Variants in MIPOL1 observed in about 807,000 individuals in gnomAD.
MIPOL1 encodes the protein mirror-image polydactyly 1.
A neutral mutation model predicts 60.9 loss-of-function variants in MIPOL1; 57 were observed. The observed-to-expected ratio is 0.94, with a 90% confidence interval of 0.76 to 1.17. The LOEUF (loss-of-function observed/expected upper bound fraction) is 1.17, where lower values mean the gene tolerates loss of function less well. Among genes scored for constraint, MIPOL1 ranks in the 50% most tolerant of loss-of-function variants. The pLI, the probability that MIPOL1 is intolerant of heterozygous loss-of-function variation, is 0.00. For synonymous variants in MIPOL1, 179 were observed against 168.8 expected (o/e 1.06, Z -0.47); for missense variants, 551 against 511.6 (o/e 1.08, Z -0.74).
intron 11 of MIPOL1, among the ~76,000 whole-genome samples, chr14:37,491,788 T>C (rs2095051564): frequency 6.6e-6 from 1 of 152,224 alleles, no homozygotes; most frequent in Admixed American, 6.5e-5. Context: ...GAAAGTACTT[T>C]AGCAGGTTAT....
chr14:37,546,829 C>A, intron 12 of MIPOL1, 76 bp from the exon 13 acceptor site: 1 of 1,194,904 alleles, frequency 8.4e-7, no homozygotes, highest in Non-Finnish European at 1.2e-6. Context: ...AAATACTGTC[C>A]TTTATCAGCC....
Position 37,433,604 on chromosome 14 carries a change from G to A in MIPOL1, c.1031+10655G>A, listed in dbSNP as rs150894592. On this transcript the variant is annotated intron_variant, in intron 11 of 12. Transcript: ENST00000684589. ...CAAGTCTCGATCTGTTGCCCAGGCT[G>A]GAGTGCAGTGGCGTGATCTCAGCTC... Among the ~76,000 whole-genome samples, 413 of 152,166 alleles carry A rather than the reference G, an allele frequency of 2.7e-3. 3 individuals are homozygous for A. Among genetic ancestry groups the A allele is most frequent in the African/African-American group, 9.7e-3 (402 of 41,526 alleles).
intron 11 of MIPOL1, among the ~76,000 whole-genome samples, chr14:37,498,750 T>A (rs1194832969): frequency 6.6e-6 from 1 of 152,174 alleles, no homozygotes; most frequent in African/African-American, 2.4e-5. Flanking sequence ...TGGTTTCATT[T>A]GGTATGCTGA....
chr14:37,308,120 G>A, intron 8 of MIPOL1, 31 bp downstream of exon 8: 2 of 1,599,330 alleles, frequency 1.3e-6, no homozygotes, highest in Non-Finnish European at 8.5e-7. Flanking sequence ...ATTTCTTGAT[G>A]TCAGTCTTAT....
At chr14:37,463,482 G>A (rs964327716) in intron 11 of MIPOL1, among the ~76,000 whole-genome samples, 5 of 152,080 alleles carry the variant, frequency 3.3e-5, no homozygotes, top group Admixed American at 2.0e-4. Context: ...GATCTTTGAC[G>A]GAGTTGATAA....
intron 11 of MIPOL1, among the ~76,000 whole-genome samples, chr14:37,446,745 T>TA (rs970126502): frequency 5.7e-4 from 87 of 152,218 alleles, no homozygotes; most frequent in Non-Finnish European, 1.1e-3. Flanking sequence ...TATGCAGCCA[T>TA]AAAAAATGAT....
chr14:37,369,503 T>C lies in MIPOL1; in HGVS notation c.829-14T>C. Reference sequence around the variant, plus strand: ...ATAACTCCTTTACTTAATGGGATTCTTCCCCTGTGGCAGTGCAAACGGTTA... The same window carrying C: ...ATAACTCCTTTACTTAATGGGATTCCTCCCCTGTGGCAGTGCAAACGGTTA... On this transcript the variant is annotated splice_polypyrimidine_tract_variant and intron_variant, in intron 9 of 12. Transcript: ENST00000684589. 1 of 1,599,710 alleles carries C rather than the reference T, an allele frequency of 6.3e-7. No individual in the cohort carries two copies. The highest frequency in any genetic ancestry group is 8.6e-7 in the Non-Finnish European group (1 of 1,168,608).
chr14:37,355,518 A>G (rs1393138624), intron 9 of MIPOL1, among the ~76,000 whole-genome samples: 1 of 151,248 alleles, frequency 6.6e-6, no homozygotes, highest in East Asian at 1.9e-4. Flanking sequence ...ACTTGGTTCC[A>G]TTCTCCCTGT....
chr14:37,532,747 G>T (rs761587611), intron 12 of MIPOL1, among the ~76,000 whole-genome samples: 3 of 152,034 alleles, frequency 2.0e-5, no homozygotes, highest in Non-Finnish European at 4.4e-5. Context: ...ACTGAACTTT[G>T]GTAGAAATAC....
At chr14:37,398,949 G>A (rs2093429989) in intron 10 of MIPOL1, among the ~76,000 whole-genome samples, 2 of 152,128 alleles carry the variant, frequency 1.3e-5, no homozygotes, top group South Asian at 2.1e-4. Flanking sequence ...ATGATAATGT[G>A]AAACCTCATT....
chr14:37,348,850 CAG>C (rs2091136304), intron 9 of MIPOL1, among the ~76,000 whole-genome samples: 1 of 129,798 alleles, frequency 7.7e-6, no homozygotes, highest in Non-Finnish European at 1.6e-5. Flanking sequence ...TTTTTTTGGA[CAG>C]AGTCTCACTC....
At chr14:37,484,267 A>C (rs2094914970) in intron 11 of MIPOL1, among the ~76,000 whole-genome samples, 1 of 151,382 alleles carries the variant, frequency 6.6e-6, no homozygotes, top group South Asian at 2.1e-4. Context: ...TGTTTCTTTA[A>C]GTACTTGTTT....
At chr14:37,385,421 ATCAGAG>A (rs2093037966) in intron 10 of MIPOL1, 1 of 152,106 alleles carries the variant, frequency 6.6e-6, no homozygotes, top group Non-Finnish European at 1.5e-5. Context: ...GCGTTGCCAC[ATCAGAG>A]TTAAGGGTGT....
intron 1 of MIPOL1, chr14:37,219,419 G>A (rs1215839898): frequency 1.3e-5 from 2 of 152,160 alleles, no homozygotes; most frequent in African/African-American, 4.8e-5. Context: ...CTAGAGTACA[G>A]TATACTGGTG....
chr14:37,545,854 G>T (rs2095545405), intron 12 of MIPOL1: 1 of 405,630 alleles, frequency 2.5e-6, no homozygotes, highest in Non-Finnish European at 4.4e-6. Context: ...CTCATGCATG[G>T]ATCCATATAA....
In MIPOL1 at chr14:37,226,579, C is replaced by G. The variant is rs146463411; in HGVS notation, c.-198-20524C>G. 3.4e-3 allele frequency among the ~76,000 whole-genome samples: 525 copies of G among 152,334 alleles called. 3 individuals carry two copies. The highest frequency in any genetic ancestry group is 0.012 in the African/African-American group (515 of 41,584). ...GATTCGATTTTCTCCCACTGGGTCC[C>G]TCCCACAACATGAGGGAATTATCGG... On this transcript the variant is annotated intron_variant, in intron 1 of 12. Transcript: ENST00000684589.
At chr14:37,356,059 T>C (rs1347718908) in intron 9 of MIPOL1, among the ~76,000 whole-genome samples, 1 of 147,262 alleles carries the variant, frequency 6.8e-6, no homozygotes, top group African/African-American at 2.5e-5. Flanking sequence ...TGGTCTTTGA[T>C]GATGGTGATG....
intron 1 of MIPOL1, among the ~76,000 whole-genome samples, chr14:37,203,936 C>A (rs912042618): frequency 3.9e-4 from 59 of 152,164 alleles, no homozygotes; most frequent in African/African-American, 1.4e-3. Context: ...GCACATGCCA[C>A]CACGCCCAGC....
chr14:37,242,104 G>A (rs1972457699), intron 1 of MIPOL1, among the ~76,000 whole-genome samples: 1 of 141,804 alleles, frequency 7.1e-6, no homozygotes, highest in Admixed American at 7.0e-5. Flanking sequence ...GTAATGTAAT[G>A]TCCTTCAAGG....
Sources: gnomAD v4.1 joint callset for allele counts (sites outside exome capture counted in the v4.1 genomes callset) on GRCh38, gnomAD v4.1.1 for gene constraint, MANE v1.5 for transcripts, NCBI Gene and HGNC (gene_info 2026-07-23, HGNC 2026-07-21) for gene names.